Variants in GNAL observed in about 807,000 individuals in gnomAD.
GNAL encodes the protein G protein subunit alpha L, also known as guanine nucleotide-binding protein G(olf) subunit alpha.
Under a neutral mutation model 55.1 loss-of-function variants are expected in GNAL, and 18 were observed. The observed-to-expected ratio is 0.33, with a 90% CI of 0.23 to 0.48. The LOEUF is 0.48. GNAL is among the 20% of genes least tolerant of loss of function. The probability of loss-of-function intolerance (pLI) is 0.99; values close to 1 mark genes in which losing one functional copy is unlikely to be tolerated. For missense variants in GNAL, 412 were observed against 614.1 expected (o/e 0.67, Z 3.48); for synonymous variants, 253 against 237.0 (o/e 1.07, Z -0.62).
rs1343578596 is a variant in GNAL, at chr18:11,776,261, TAAC to T, written c.624+22322_624+22324del. Among the ~76,000 whole-genome samples the T allele has an allele frequency of 2.6e-5, 4 of 152,214 alleles. No individual in the cohort carries two copies. In the East Asian group the frequency reaches 5.8e-4, roughly 22 times the overall value. ...TGACGATACAAAATGTCTTTGTAGA[TAAC>T]AACAAGATTTCAACTTGCTTATTAG... On this transcript the variant is annotated intron_variant, in intron 4 of 11. Coordinates refer to ENST00000334049, the MANE Select transcript of GNAL (RefSeq NM_182978.4).
At position 11,753,894 on chromosome 18, in the gene GNAL, A is replaced by G. The variant is rs1232900705; in HGVS notation, c.573A>G (p.Arg191=). The change falls in exon 4 of 12, where the codon CGA becomes CGG. Residue 191 remains arginine, a synonymous_variant. Coordinates refer to ENST00000334049, the MANE Select transcript of GNAL (RefSeq NM_182978.4). The part of the protein sequence containing the change: ...VPLANPENQF[R]SDYIKSIAPI... ...TGGCCAACCCTGAAAACCAATTTCGATCAGACTACATCAAGAGCATAGCCC... is the reference window on the plus strand; with the variant it reads ...TGGCCAACCCTGAAAACCAATTTCGGTCAGACTACATCAAGAGCATAGCCC... 1 of 1,609,032 alleles carries G rather than the reference A, an allele frequency of 6.2e-7. No homozygotes were observed. The highest frequency in any genetic ancestry group is 1.3e-5 in the African/African-American group (1 of 74,826).
At chr18:11,756,697 A>G (rs1169205245) in intron 4 of GNAL, among the ~76,000 whole-genome samples, 1 of 152,110 alleles carries the variant, frequency 6.6e-6, no homozygotes, top group East Asian at 1.9e-4. Flanking sequence ...TATATTACTT[A>G]TTAAATTATG....
chr18:11,868,907 T>G lies in GNAL; in HGVS notation c.1031+244T>G, dbSNP rs1444186027. Among the ~76,000 whole-genome samples, 3 of 151,794 alleles carry G rather than the reference T, an allele frequency of 2.0e-5. No homozygotes were observed. The highest frequency in any genetic ancestry group is 4.4e-5 in the Non-Finnish European group (3 of 67,962). On this transcript the variant is annotated intron_variant, in intron 9 of 11. Transcript: ENST00000334049. The surrounding 1 kb of genome is among the most constrained non-coding windows in gnomAD (Gnocchi z 4.0). ...ACACCTGCCCAGTGACTCAGGAGCT[T>G]GAGGTAGGGGGATCACTTGAGCCCA... is the stretch of plus-strand genomic sequence containing the variant.
intron 1 of GNAL, among the ~76,000 whole-genome samples, chr18:11,714,026 C>T (rs1429580932): frequency 6.6e-6 from 1 of 152,218 alleles, no homozygotes; most frequent in Non-Finnish European, 1.5e-5. Context: ...GGAACAGCTT[C>T]AGAGTCGTGG....
intron 5 of GNAL, among the ~76,000 whole-genome samples, chr18:11,841,620 G>A (rs1447483256): frequency 6.8e-6 from 1 of 146,424 alleles, no homozygotes; most frequent in South Asian, 2.2e-4. Context: ...ACTTCAGCCT[G>A]GGCAACAGAG....
At chr18:11,753,431 G>T in intron 2 of GNAL, 197 bp from the exon 3 acceptor site, 1 of 533,442 alleles carries the variant, frequency 1.9e-6, no homozygotes, top group Non-Finnish European at 3.4e-6. Context: ...ATTCAAGTTT[G>T]TTTAGAGTAC....
chr18:11,725,816 G>T (rs1410687413), intron 1 of GNAL, among the ~76,000 whole-genome samples: 2 of 152,168 alleles, frequency 1.3e-5, no homozygotes, highest in Non-Finnish European at 2.9e-5. Flanking sequence ...TGGATCATGT[G>T]GTAAGAGTAT....
intron 5 of GNAL, 83 bp from the exon 6 acceptor site, chr18:11,862,312 G>C: frequency 2.0e-6 from 2 of 1,021,910 alleles, no homozygotes; most frequent in Admixed American, 3.5e-5. Flanking sequence ...GCTGTACTTG[G>C]GTGATGTCCC....
intron 1 of GNAL, among the ~76,000 whole-genome samples, chr18:11,721,498 G>A (rs958027336): frequency 4.6e-5 from 7 of 152,038 alleles, no homozygotes; most frequent in African/African-American, 1.4e-4. Context: ...TCAAACGCCT[G>A]TAATCCTAGC....
At chr18:11,807,167 A>G (rs886446416) in intron 4 of GNAL, among the ~76,000 whole-genome samples, 28 of 152,092 alleles carry the variant, frequency 1.8e-4, no homozygotes, top group Non-Finnish European at 3.4e-4. Flanking sequence ...TCAAAAAAAA[A>G]AAAGAAAGAA....
chr18:11,833,988 G>A (rs1241443442), intron 5 of GNAL, among the ~76,000 whole-genome samples: 1 of 152,140 alleles, frequency 6.6e-6, no homozygotes, highest in Non-Finnish European at 1.5e-5. Context: ...GCTCCCCGGG[G>A]TGCGGTTTAA....
intron 1 of GNAL, among the ~76,000 whole-genome samples, chr18:11,699,919 G>A (rs1466749134): frequency 1.3e-5 from 2 of 152,020 alleles, no homozygotes; most frequent in Non-Finnish European, 2.9e-5. Context: ...GGATGTTGCT[G>A]GTGGGGAGGC....
chr18:11,884,241 G>A lies in GNAL; in HGVS notation c.*3106G>A. 1 of 553,986 alleles carries A rather than the reference G, an allele frequency of 1.8e-6. No individual in the cohort carries two copies. Among genetic ancestry groups the A allele is most frequent in the Non-Finnish European group, 3.2e-6 (1 of 311,124 alleles). 34.3% of individuals were successfully genotyped at this position (553,986 alleles called of 1,614,324 possible). A position where few individuals can be genotyped will look rare whatever the true frequency, so the allele number is the denominator to read the frequency against. On this transcript the variant is annotated 3_prime_UTR_variant, in exon 12 of 12. Transcript: ENST00000334049. ...TTGATAAAAATGAGAAAACAGATTT[G>A]TTGTAGAGTACCTGTCCACTTTTAT...
At chr18:11,821,777 C>T (rs1048817849) in intron 4 of GNAL, among the ~76,000 whole-genome samples, 20 of 152,266 alleles carry the variant, frequency 1.3e-4, no homozygotes, top group Non-Finnish European at 2.2e-4. Flanking sequence ...AGGAGGGAGC[C>T]GGGAGGTCCT....
intron 5 of GNAL, chr18:11,852,012 G>T: frequency 6.2e-7 from 1 of 1,613,612 alleles, no homozygotes; most frequent in South Asian, 1.1e-5. Flanking sequence ...TCAACATGGA[G>T]CTGCCGCAGG....
At chr18:11,694,727 T>C (rs1415637455) in intron 1 of GNAL, among the ~76,000 whole-genome samples, 1 of 152,134 alleles carries the variant, frequency 6.6e-6, no homozygotes, top group Non-Finnish European at 1.5e-5. Flanking sequence ...TATGTGTTAG[T>C]CAGCTTGCTT....
intron 5 of GNAL, among the ~76,000 whole-genome samples, chr18:11,848,044 T>C (rs2035776606): frequency 1.3e-5 from 2 of 152,078 alleles, no homozygotes. Flanking sequence ...TGAGCAGATT[T>C]GGGGGAAAGG....
chr18:11,774,971 C>G (rs766330675), intron 4 of GNAL, among the ~76,000 whole-genome samples: 2 of 152,222 alleles, frequency 1.3e-5, no homozygotes, highest in African/African-American at 4.8e-5. Context: ...TCACACAGCA[C>G]AGGCCATCTT....
chr18:11,806,137 G>A (rs752967114), intron 4 of GNAL, among the ~76,000 whole-genome samples: 2 of 152,106 alleles, frequency 1.3e-5, no homozygotes, highest in African/African-American at 2.4e-5. Flanking sequence ...TTGGCCATTT[G>A]TATGTCTTCT....
Sources: gnomAD v4.1 joint callset for allele counts (sites outside exome capture counted in the v4.1 genomes callset) on GRCh38, gnomAD v4.1.1 for gene constraint, Gnocchi (gnomAD v3.1) non-coding constraint, MANE v1.5 for transcripts, NCBI Gene and HGNC (gene_info 2026-07-23, HGNC 2026-07-21) for gene names.